Variants in GATAD2A observed in about 807,000 individuals in gnomAD.
The protein encoded by GATAD2A is transcriptional repressor p66-alpha.
In GATAD2A, 12 loss-of-function variants were observed where a neutral mutation model predicts 68.5. That is an observed-to-expected ratio of 0.18 (90% CI 0.11 to 0.28). GATAD2A has a LOEUF of 0.28. Ranked by LOEUF, GATAD2A falls within the 10% of genes least tolerant of loss-of-function variation. The probability of loss-of-function intolerance (pLI) is 1.00; values close to 1 mark genes in which losing one functional copy is unlikely to be tolerated. For synonymous variants in GATAD2A, 410 were observed against 375.3 expected (o/e 1.09, Z -1.07); for missense variants, 755 against 868.5 (o/e 0.87, Z 1.64).
chr19:19,425,628 G>T (rs1432741101), intron 1 of GATAD2A, among the ~76,000 whole-genome samples: 1 of 152,078 alleles, frequency 6.6e-6, no homozygotes, highest in African/African-American at 2.4e-5. Context: ...CCTCAGGCGG[G>T]GTCACTGGGC....
chr19:19,424,029 T>A (rs1273737308), intron 1 of GATAD2A, among the ~76,000 whole-genome samples: 1 of 152,162 alleles, frequency 6.6e-6, no homozygotes, highest in African/African-American at 2.4e-5. Flanking sequence ...GCTCAAGTGA[T>A]CCTTCCACCT....
chr19:19,460,801 G>A (rs1247650821), intron 1 of GATAD2A, among the ~76,000 whole-genome samples: 2 of 152,164 alleles, frequency 1.3e-5, no homozygotes, highest in East Asian at 1.9e-4. Flanking sequence ...CTGCCCTGCA[G>A]TCCTCCAGCC....
At position 19,502,186 on chromosome 19, in the gene GATAD2A, A is replaced by G. The variant is rs1036156550; in HGVS notation, c.1578+143A>G. The G allele has an allele frequency of 2.0e-5, 17 of 865,850 alleles. No individual in the cohort carries two copies. The African/African-American group carries it at 2.9e-4, about 15-fold the overall frequency. 53.6% of individuals were successfully genotyped at this position (865,850 alleles called of 1,614,324 possible). On this transcript the variant is annotated intron_variant, in intron 10 of 11. Coordinates refer to ENST00000683918, the MANE Select transcript of GATAD2A (RefSeq NM_001384528.1). ...CTCCCCTCCCCCACCCCTCTGTGTA[A>G]CTTACCTGGTCTCCTGATTTTGGAC...
rs1467619360 is a variant in GATAD2A, at chr19:19,507,270, C to G, written c.*1796C>G. The G allele has an allele frequency of 7.8e-6, 1 of 128,520 alleles. No homozygotes were observed. The highest frequency in any genetic ancestry group is 2.9e-5 in the African/African-American group (1 of 34,188). 8.0% of individuals were successfully genotyped at this position (128,520 alleles called of 1,614,324 possible). A position where few individuals can be genotyped will look rare whatever the true frequency, so the allele number is the denominator to read the frequency against. ...TTACACCAAAAAAAAAAAAAAAAAT[C>G]AAGAGTATGCAAGCATTTCTATTCC... On this transcript the variant is annotated 3_prime_UTR_variant, in exon 12 of 12. Transcript: ENST00000683918.
intron 2 of GATAD2A, among the ~76,000 whole-genome samples, chr19:19,489,956 A>G (rs2059674127): frequency 6.6e-6 from 1 of 152,208 alleles, no homozygotes. Flanking sequence ...ACCTGGAATT[A>G]GAGCCCTGAG....
At chr19:19,502,119 G>C (rs1442067724) in intron 10 of GATAD2A, 76 bp downstream of exon 10, 1 of 1,105,278 alleles carries the variant, frequency 9.0e-7, no homozygotes, top group East Asian at 2.4e-5. Context: ...CGACTGTCAC[G>C]CTGCCTCTTC....
At chr19:19,440,661 C>T in intron 1 of GATAD2A, 1 of 153,086 alleles carries the variant, frequency 6.5e-6, no homozygotes, top group South Asian at 2.0e-4. Flanking sequence ...TTCTTTGTAG[C>T]ATCATGTACG....
chr19:19,451,511 A>G (rs1311917804), intron 1 of GATAD2A, among the ~76,000 whole-genome samples: 2 of 152,224 alleles, frequency 1.3e-5, no homozygotes, highest in Non-Finnish European at 2.9e-5. Context: ...TGACATTACC[A>G]TGTTTTTGGC....
chr19:19,498,180 A>G (rs1010979487), intron 7 of GATAD2A, among the ~76,000 whole-genome samples: 1 of 152,198 alleles, frequency 6.6e-6, no homozygotes, highest in Non-Finnish European at 1.5e-5. Context: ...TATAGATTTT[A>G]AGTGTGTGCG....
chr19:19,487,543 C>G (rs938417119), intron 2 of GATAD2A, among the ~76,000 whole-genome samples: 1 of 152,012 alleles, frequency 6.6e-6, no homozygotes, highest in African/African-American at 2.4e-5. Context: ...GAACACAGAC[C>G]CACCAGCCAG....
At chr19:19,471,033 A>ATC (rs2058266091) in intron 2 of GATAD2A, among the ~76,000 whole-genome samples, 1 of 152,170 alleles carries the variant, frequency 6.6e-6, no homozygotes, top group South Asian at 2.1e-4. Flanking sequence ...AGGCAGGCGG[A>ATC]TCACCTGAGG....
chr19:19,439,753 C>T (rs2054778982), intron 1 of GATAD2A, among the ~76,000 whole-genome samples: 1 of 152,100 alleles, frequency 6.6e-6, no homozygotes, highest in Admixed American at 6.5e-5. Flanking sequence ...GAGGCTGAGG[C>T]AGGAGAATCG....
At chr19:19,418,704 C>T (rs971332202) in intron 1 of GATAD2A, among the ~76,000 whole-genome samples, 1 of 152,142 alleles carries the variant, frequency 6.6e-6, no homozygotes, top group Admixed American at 6.6e-5. Context: ...CTGCTGCTTG[C>T]TGGTTTTAGG....
chr19:19,398,200 G>A (rs114079744), intron 1 of GATAD2A, among the ~76,000 whole-genome samples: 1,488 of 148,046 alleles, frequency 0.01, 27 homozygotes, highest in African/African-American at 0.035. Flanking sequence ...ACTGCTAACC[G>A]CCTTATTTAT....
Position 19,508,005 on chromosome 19 carries a change from C to T in GATAD2A, c.*2531C>T, listed in dbSNP as rs533855074. 4.7e-4 allele frequency: 72 copies of T among 152,262 alleles called. No homozygotes were observed. The highest frequency in any genetic ancestry group is 1.7e-3 in the African/African-American group (71 of 41,528). 9.4% of individuals were successfully genotyped at this position (152,262 alleles called of 1,614,324 possible). ...TGATTAATGTTAAGGGTGTTCTACC[C>T]ACAGCAAAGCACACCCTCTTAAACC... On this transcript the variant is annotated 3_prime_UTR_variant, in exon 12 of 12. Coordinates refer to ENST00000683918, the MANE Select transcript of GATAD2A (RefSeq NM_001384528.1).
In GATAD2A at chr19:19,425,065, A is replaced by T. The variant is rs1043997171; in HGVS notation, c.-7+19046A>T. ...GTTCAAGACTAGCCTGTGCAACAATAAAAAAAAAAAAAAAACCCAAACTTG... is the reference window on the plus strand; with the variant it reads ...GTTCAAGACTAGCCTGTGCAACAATTAAAAAAAAAAAAAAACCCAAACTTG... On this transcript the variant is annotated intron_variant, in intron 1 of 11. Coordinates refer to ENST00000683918, the MANE Select transcript of GATAD2A (RefSeq NM_001384528.1). 4.9e-5 allele frequency among the ~76,000 whole-genome samples: 6 copies of T among 122,928 alleles called. No homozygotes were observed. In the South Asian group the frequency reaches 8.4e-4, roughly 17 times the overall value. The allele number at this position is 122,928 out of a possible 152,430, so 80.6% of individuals were successfully genotyped here.
chr19:19,398,360 C>T (rs151136209), intron 1 of GATAD2A, among the ~76,000 whole-genome samples: 171 of 152,060 alleles, frequency 1.1e-3, no homozygotes, highest in Non-Finnish European at 1.8e-3. Flanking sequence ...TGCACTACCA[C>T]GCCCAGCTAA....
At position 19,453,051 on chromosome 19, in the gene GATAD2A, C is replaced by T. The variant is rs527915393; in HGVS notation, c.-6-12289C>T. Among the ~76,000 whole-genome samples, 4 of 152,334 alleles carry T rather than the reference C, an allele frequency of 2.6e-5. No individual in the cohort carries two copies. In the East Asian group the frequency reaches 7.7e-4, roughly 29 times the overall value. ...TTCCTGCCACTGGGCATCCCTGTAGCCCCCATTCCTCCAGCAATCAGCCTC... is the reference window on the plus strand; with the variant it reads ...TTCCTGCCACTGGGCATCCCTGTAGTCCCCATTCCTCCAGCAATCAGCCTC... On this transcript the variant is annotated intron_variant, in intron 1 of 11. Coordinates refer to ENST00000683918, the MANE Select transcript of GATAD2A (RefSeq NM_001384528.1).
chr19:19,394,127 A>G (rs562088769), intron 1 of GATAD2A, among the ~76,000 whole-genome samples: 3 of 151,998 alleles, frequency 2.0e-5, no homozygotes, highest in South Asian at 2.1e-4. Context: ...AGCTCAAGCA[A>G]TCCTCCCGCC....
Sources: gnomAD v4.1 joint callset for allele counts (sites outside exome capture counted in the v4.1 genomes callset) on GRCh38, gnomAD v4.1.1 for gene constraint, MANE v1.5 for transcripts, NCBI Gene and HGNC (gene_info 2026-07-23, HGNC 2026-07-21) for gene names.